Variants in LRRC53 observed in about 807,000 individuals in gnomAD.
LRRC53 encodes leucine rich repeat containing 53, also known as leucine-rich repeat-containing protein 53.
Under a neutral mutation model 13.6 loss-of-function variants are expected in LRRC53, and 25 were observed. The observed-to-expected ratio is 1.83, with a 90% CI of 1.34 to 2.56. The LOEUF is 2.56. Ranked by LOEUF, LRRC53 falls within the 30% of genes most tolerant of loss-of-function variation. The probability of loss-of-function intolerance (pLI) is 0.00; values close to 1 mark genes in which losing one functional copy is unlikely to be tolerated. For missense variants in LRRC53, 527 were observed against 275.8 expected (o/e 1.91, Z -6.45); for synonymous variants, 204 against 109.8 (o/e 1.86, Z -5.37).
the LRRC53 span, among the ~76,000 whole-genome samples, chr1:74,528,827 CA>C: frequency 6.6e-6 from 1 of 152,138 alleles, no homozygotes; most frequent in Non-Finnish European, 1.5e-5. Flanking sequence ...TCCTCATTTC[CA>C]AATACTATTA....
At chr1:74,508,916 A>G (rs956046987) in intron 1 of LRRC53, among the ~76,000 whole-genome samples, 1 of 152,220 alleles carries the variant, frequency 6.6e-6, no homozygotes, top group East Asian at 1.9e-4. Context: ...CAGAAAATTC[A>G]TATAAAACAC....
At chr1:74,516,388 A>T (rs1205258783), upstream of LRRC53, among the ~76,000 whole-genome samples, 1 of 152,204 alleles carries the variant, frequency 6.6e-6, no homozygotes, top group African/African-American at 2.4e-5. Context: ...CTGACTTAAG[A>T]TGAGAATAGT....
intron 1 of LRRC53, among the ~76,000 whole-genome samples, chr1:74,508,740 A>G (rs1390881268): frequency 1.3e-5 from 2 of 152,204 alleles, no homozygotes; most frequent in Non-Finnish European, 2.9e-5. Context: ...TGCTTTGCTG[A>G]TAACATAAGT....
At chr1:74,503,162 A>G (rs1048172600) in intron 1 of LRRC53, among the ~76,000 whole-genome samples, 4 of 152,218 alleles carry the variant, frequency 2.6e-5, no homozygotes, top group African/African-American at 9.6e-5. Flanking sequence ...TTTGTGGGCA[A>G]CAATTGACTT....
chr1:74,508,379 A>G (rs1476921437), intron 1 of LRRC53, among the ~76,000 whole-genome samples: 1 of 152,228 alleles, frequency 6.6e-6, no homozygotes, highest in African/African-American at 2.4e-5. Context: ...ATCTCATTTA[A>G]TCTTCATAAA....
chr1:74,481,575 T>C (rs1318522045), intron 2 of LRRC53, among the ~76,000 whole-genome samples: 1 of 152,064 alleles, frequency 6.6e-6, no homozygotes, highest in Non-Finnish European at 1.5e-5. Flanking sequence ...GTCAGTGGGG[T>C]TCTCATTATA....
At chr1:74,484,212 TA>T (rs36109808) in intron 1 of LRRC53, among the ~76,000 whole-genome samples, 1,502 of 144,622 alleles carry the variant, frequency 0.01, 24 homozygotes, top group African/African-American at 0.031. Context: ...CCTGGTTGAT[TA>T]AAAAAAAAAA....
chr1:74,510,853 G>A (rs895019342), intron 1 of LRRC53, among the ~76,000 whole-genome samples: 5 of 152,188 alleles, frequency 3.3e-5, no homozygotes, highest in Admixed American at 6.5e-5. Flanking sequence ...AGCTAGTCTT[G>A]TATTCTTGTA....
the LRRC53 span, among the ~76,000 whole-genome samples, chr1:74,518,873 C>CTTTTTTTTTTTTTTTTTTTTTTTTATT: frequency 1.0e-5 from 1 of 100,358 alleles, no homozygotes; most frequent in Non-Finnish European, 1.8e-5. Flanking sequence ...TTTTTTTTCC[C>CTTTTTTTTTTTTTTTTTTTTTTTTATT]CTTTTTTTTT....
intron 2 of LRRC53, among the ~76,000 whole-genome samples, chr1:74,481,198 G>A (rs906791733): frequency 1.3e-5 from 2 of 152,144 alleles, no homozygotes; most frequent in African/African-American, 4.8e-5. Context: ...ATGTTTGTTT[G>A]AGAAACATAA....
chr1:74,505,997 T>G (rs1158325365), intron 1 of LRRC53, among the ~76,000 whole-genome samples: 2 of 151,824 alleles, frequency 1.3e-5, no homozygotes, highest in Non-Finnish European at 2.9e-5. Context: ...TCACTTTTTG[T>G]TTTTTTGGCC....
At chr1:74,534,529 G>A in the LRRC53 span, among the ~76,000 whole-genome samples, 1 of 152,028 alleles carries the variant, frequency 6.6e-6, no homozygotes, top group African/African-American at 2.4e-5. Flanking sequence ...CTCTAAATGG[G>A]GCCATTTGGA....
chr1:74,508,501 T>C (rs1276921572), intron 1 of LRRC53, among the ~76,000 whole-genome samples: 1 of 152,174 alleles, frequency 6.6e-6, no homozygotes, highest in East Asian at 1.9e-4. Flanking sequence ...AGAGTAGTTC[T>C]AGAACTGGTG....
At chr1:74,487,887 C>T (rs1468883289) in intron 1 of LRRC53, among the ~76,000 whole-genome samples, 2 of 152,076 alleles carry the variant, frequency 1.3e-5, no homozygotes, top group African/African-American at 4.8e-5. Flanking sequence ...AAAGGGACAG[C>T]TCAGAGAGTT....
the LRRC53 span, among the ~76,000 whole-genome samples, chr1:74,521,225 T>C: frequency 6.6e-6 from 1 of 152,198 alleles, no homozygotes; most frequent in Non-Finnish European, 1.5e-5. Flanking sequence ...TGGGTTCACA[T>C]TGTGGCACTG....
chr1:74,491,991 T>A (rs1669100412), intron 1 of LRRC53: 2 of 1,364,808 alleles, frequency 1.5e-6, no homozygotes, highest in Admixed American at 5.1e-5. Context: ...GAATAGAAAT[T>A]AAAATATGGG....
chr1:74,510,209 T>G (rs1160211641), intron 1 of LRRC53, among the ~76,000 whole-genome samples: 1 of 152,180 alleles, frequency 6.6e-6, no homozygotes, highest in Non-Finnish European at 1.5e-5. Context: ...AGTTCTCACC[T>G]TTTAAAAAGA....
chr1:74,525,817 G>T, the LRRC53 span, among the ~76,000 whole-genome samples: 1 of 152,160 alleles, frequency 6.6e-6, no homozygotes, highest in African/African-American at 2.4e-5. Flanking sequence ...CAAAACCTGG[G>T]TTGCCCCAGG....
rs534287539 is a variant in LRRC53, at chr1:74,495,313, G to A, written c.-26-11938C>T. On this transcript the variant is annotated intron_variant, in intron 1 of 4. Transcript: ENST00000294635. ...AATCAACTCTAGGAATCGGTAAAGC[G>A]TTTAGCTAAGTTTTAAAATGTGTCA... Among the ~76,000 whole-genome samples the A allele has an allele frequency of 1.6e-4, 24 of 152,258 alleles. 1 individual carries two copies. In the South Asian group the frequency reaches 2.7e-3, roughly 17 times the overall value.
Sources: allele counts gnomAD v4.1 joint callset (sites outside exome capture counted in the v4.1 genomes callset), GRCh38; gene constraint gnomAD v4.1.1; transcripts MANE v1.5; gene names NCBI Gene and HGNC (gene_info 2026-07-23, HGNC 2026-07-21).